Variants in AFDN observed in about 807,000 individuals in gnomAD.
AFDN encodes afadin, adherens junction formation factor, also known as afadin.
In AFDN, 68 loss-of-function variants were observed where a neutral mutation model predicts 216.6. The ratio of observed to expected loss-of-function variants is 0.31; its 90% CI spans 0.26 to 0.38. The LOEUF is 0.38. Among genes scored for constraint, AFDN ranks in the 10% least tolerant of loss-of-function variants. The pLI is 1.00. For synonymous variants in AFDN, 868 were observed against 853.7 expected, an observed-to-expected ratio of 1.02 and a Z score of -0.29; for missense variants, 2,136 against 2,342.0, an observed-to-expected ratio of 0.91 and a Z score of 1.82.
At chr6:167,957,622 G>T (rs980079652) in intron 30 of AFDN, among the ~76,000 whole-genome samples, 4 of 152,042 alleles carry the variant, frequency 2.6e-5, no homozygotes, top group Non-Finnish European at 5.9e-5. Context: ...CCTTTATATC[G>T]CATGGGCAAA....
rs115218660 is a variant in AFDN at position 167,956,952 on chromosome 6, C to T, written c.4833+4765C>T. On this transcript the variant is annotated intron_variant, in intron 30 of 33. Transcript: ENST00000683244. ...TACAGCAGTCTCACGAGAATGTCCT[C>T]ACAGCCCTCCTAAGTCTCTCCTTTC... is the stretch of plus-strand genomic sequence containing the variant. Among the ~76,000 whole-genome samples the T allele has an allele frequency of 1.9e-3, 295 of 152,346 alleles. 3 individuals are homozygous for T. The highest frequency in any genetic ancestry group is 6.8e-3 in the African/African-American group (282 of 41,584).
chr6:167,947,471 G>GCA (rs754602637), intron 27 of AFDN, among the ~76,000 whole-genome samples: 1 of 152,096 alleles, frequency 6.6e-6, no homozygotes, highest in African/African-American at 2.4e-5. Flanking sequence ...GAGCCACCAT[G>GCA]CCCAGCCAAT....
chr6:167,872,894 T>TC (rs1278102410), intron 4 of AFDN, among the ~76,000 whole-genome samples: 1 of 152,192 alleles, frequency 6.6e-6, no homozygotes, highest in Non-Finnish European at 1.5e-5. Flanking sequence ...TTTTAAGTGT[T>TC]TGAGGATCTG....
At chr6:167,830,385 G>A (rs1424228797) in intron 1 of AFDN, among the ~76,000 whole-genome samples, 2 of 152,182 alleles carry the variant, frequency 1.3e-5, no homozygotes, top group Non-Finnish European at 1.5e-5. Flanking sequence ...TGCATGGTAG[G>A]AGCTCAATAA....
At chr6:167,935,959 G>A (rs1562703659) in intron 23 of AFDN, among the ~76,000 whole-genome samples, 2 of 152,232 alleles carry the variant, frequency 1.3e-5, no homozygotes, top group Non-Finnish European at 2.9e-5. Flanking sequence ...CTATCCGATA[G>A]AAATATAATA....
Position 167,970,969 on chromosome 6 carries a change from A to AAAAT in AFDN, c.*1035_*1036insAATA, listed in dbSNP as rs1797982764. On this transcript the variant is annotated 3_prime_UTR_variant, in exon 34 of 34. Transcript: ENST00000683244. ...AATATTGTAAGAATAACTCATATGGAAGTTCAAGCTATTTTTATACTATAA... is the reference window on the plus strand; with the variant it reads ...AATATTGTAAGAATAACTCATATGGAAAATAGTTCAAGCTATTTTTATACTATAA... 1 of 213,714 alleles carries AAAAT rather than the reference A, an allele frequency of 4.7e-6. No individual in the cohort carries two copies. The highest frequency in any genetic ancestry group is 5.9e-5 in the Admixed American group (1 of 17,040). The allele number at this position is 213,714 out of a possible 1,614,324, so 13.2% of individuals were successfully genotyped here.
intron 6 of AFDN, among the ~76,000 whole-genome samples, chr6:167,885,229 T>A (rs1562607764): frequency 6.6e-6 from 1 of 152,226 alleles, no homozygotes; most frequent in Non-Finnish European, 1.5e-5. Flanking sequence ...TAAGGCTGTT[T>A]CTCTTTCTCA....
In AFDN at chr6:167,892,911, C is replaced by A. The variant is rs564505996; in HGVS notation, c.1178-951C>A. ...ACATGGTTATTAATACACTGCATCC[C>A]TCATGGCACTCTGCTGCCTTCAGTC... is the stretch of plus-strand genomic sequence containing the variant. On this transcript the variant is annotated intron_variant, in intron 8 of 33. Transcript: ENST00000683244. Among the ~76,000 whole-genome samples, 4 of 152,284 alleles carry A rather than the reference C, an allele frequency of 2.6e-5. No homozygotes were observed. The South Asian group carries it at 8.3e-4, about 32-fold the overall frequency.
chr6:167,844,703 C>T (rs1302780006), intron 1 of AFDN, among the ~76,000 whole-genome samples: 2 of 152,148 alleles, frequency 1.3e-5, no homozygotes, highest in African/African-American at 2.4e-5. Flanking sequence ...CCAGTTTATG[C>T]TGCCACTGTT....
At chr6:167,867,018 G>A (rs1784264536) in intron 2 of AFDN, among the ~76,000 whole-genome samples, 1 of 152,190 alleles carries the variant, frequency 6.6e-6, no homozygotes, top group African/African-American at 2.4e-5. Flanking sequence ...AAAGGATCAT[G>A]CTACTTTAAA....
At chr6:167,865,811 T>A (rs1249738436) in intron 2 of AFDN, among the ~76,000 whole-genome samples, 1 of 151,940 alleles carries the variant, frequency 6.6e-6, no homozygotes, top group South Asian at 2.1e-4. Context: ...TTTTTTTTTT[T>A]ACTCAAAAAA....
At chr6:167,927,679 G>A (rs542870369) in intron 23 of AFDN, among the ~76,000 whole-genome samples, 1 of 152,252 alleles carries the variant, frequency 6.6e-6, no homozygotes, top group South Asian at 2.1e-4. Flanking sequence ...AGACCAAGAC[G>A]TGTGGGGTTC....
At chr6:167,872,747 A>G (rs1329527936) in intron 4 of AFDN, among the ~76,000 whole-genome samples, 1 of 152,122 alleles carries the variant, frequency 6.6e-6, no homozygotes, top group Non-Finnish European at 1.5e-5. Flanking sequence ...CCTCAGATAC[A>G]CTTAATGCCT....
At chr6:167,932,047 G>GATA (rs1793371749) in intron 23 of AFDN, among the ~76,000 whole-genome samples, 1 of 152,166 alleles carries the variant, frequency 6.6e-6, no homozygotes, top group Admixed American at 6.5e-5. Context: ...CCTGGTATTG[G>GATA]ATAATCACCT....
chr6:167,895,614 C>G (rs1788142644), intron 9 of AFDN, among the ~76,000 whole-genome samples: 2 of 152,080 alleles, frequency 1.3e-5, no homozygotes, highest in South Asian at 2.1e-4. Flanking sequence ...TTTGTGTACC[C>G]TAAAATTAAC....
At chr6:167,833,249 A>G (rs147102578) in intron 1 of AFDN, among the ~76,000 whole-genome samples, 2,434 of 152,348 alleles carry the variant, frequency 0.016, 70 homozygotes, top group African/African-American at 0.054. Flanking sequence ...CACTGACTAT[A>G]GTAACAACAG....
intron 1 of AFDN, among the ~76,000 whole-genome samples, chr6:167,841,355 G>T (rs894892054): frequency 1.3e-5 from 2 of 152,116 alleles, no homozygotes; most frequent in African/African-American, 4.8e-5. Context: ...AGGCGTAGAG[G>T]AGACTACAAG....
chr6:167,884,069 C>G (rs999148333), intron 6 of AFDN, among the ~76,000 whole-genome samples: 1 of 152,190 alleles, frequency 6.6e-6, no homozygotes, highest in East Asian at 1.9e-4. Context: ...GGAGTTGATT[C>G]CATAAGAAAC....
intron 15 of AFDN, among the ~76,000 whole-genome samples, chr6:167,912,644 G>T (rs1790544806): frequency 6.6e-6 from 1 of 152,152 alleles, no homozygotes; most frequent in Non-Finnish European, 1.5e-5. Context: ...CAAAGCCATT[G>T]TCTGTCTTCT....
Sources: allele counts gnomAD v4.1 joint callset (sites outside exome capture counted in the v4.1 genomes callset), GRCh38; gene constraint gnomAD v4.1.1; transcripts MANE v1.5; gene names NCBI Gene and HGNC (gene_info 2026-07-23, HGNC 2026-07-21).